The following HUS1 variants were observed in gnomAD, a reference collection of about 807,000 sequenced individuals.
The protein encoded by HUS1 is HUS1 checkpoint clamp component, also known as checkpoint protein HUS1.
A neutral mutation model predicts 32.6 loss-of-function variants in HUS1; 31 were observed. The observed-to-expected ratio is 0.95, with a 90% CI of 0.72 to 1.28. The LOEUF is 1.28. HUS1 is among the 50% of genes most tolerant of loss of function. The pLI is 0.00. For missense variants in HUS1, 340 were observed against 337.7 expected, an observed-to-expected ratio of 1.01 and a Z score of -0.05; for synonymous variants, 123 against 116.6, an observed-to-expected ratio of 1.06 and a Z score of -0.36.
At chr7:47,974,821 T>C (rs1213519186) in intron 5 of HUS1, among the ~76,000 whole-genome samples, 1 of 152,052 alleles carries the variant, frequency 6.6e-6, no homozygotes. Flanking sequence ...TTCCACAAAA[T>C]AAACAGAAAA....
chr7:47,978,031 C>T (rs553823399), intron 3 of HUS1, among the ~76,000 whole-genome samples: 10 of 152,116 alleles, frequency 6.6e-5, no homozygotes, highest in South Asian at 2.1e-4. Flanking sequence ...ATAAAACATA[C>T]GTGTACTGAA....
At position 47,965,321 on chromosome 7, in the gene HUS1, C is replaced by A. The variant is rs1199145197; in HGVS notation, c.*35G>T. The A allele has an allele frequency of 2.0e-6, 3 of 1,481,212 alleles. No homozygotes were observed. The highest frequency in any genetic ancestry group is 2.3e-5 in the South Asian group (2 of 88,614). 91.8% of individuals were successfully genotyped at this position (1,481,212 alleles called of 1,614,324 possible). A position where few individuals can be genotyped will look rare whatever the true frequency, so the allele number is the denominator to read the frequency against. On this transcript the variant is annotated 3_prime_UTR_variant, in exon 8 of 8. Transcript: ENST00000258774. ...ACACCTGCGGCCTCTCCCATCCTGA[C>A]AAAGTCTCTGCATGCCAACTCCAGC... is the stretch of plus-strand genomic sequence containing the variant.
chr7:47,963,964 A>C lies in HUS1; in HGVS notation c.*1392T>G, dbSNP rs1310200625. 6.6e-6 allele frequency: 1 copy of C among 152,202 alleles called. No individual in the cohort carries two copies. The highest frequency in any genetic ancestry group is 1.5e-5 in the Non-Finnish European group (1 of 68,024). The allele number at this position is 152,202 out of a possible 1,614,324, so 9.4% of individuals were successfully genotyped here. ...TTACTAAACATCAAAAGAATCATTC[A>C]AATACACTGGTTTTATCAAAAAACA... On this transcript the variant is annotated 3_prime_UTR_variant, in exon 8 of 8. Transcript: ENST00000258774.
intron 5 of HUS1, among the ~76,000 whole-genome samples, chr7:47,972,412 G>T (rs550105893): frequency 6.6e-6 from 1 of 152,242 alleles, no homozygotes; most frequent in Admixed American, 6.5e-5. Flanking sequence ...ATTAACACCT[G>T]GTGCCTAGCA....
chr7:47,977,149 A>G (rs1259601694), intron 3 of HUS1, among the ~76,000 whole-genome samples: 2 of 152,158 alleles, frequency 1.3e-5, no homozygotes, highest in Admixed American at 1.3e-4. Flanking sequence ...GTGAGAAAGC[A>G]CTCCACAGAG....
At chr7:47,978,911 C>T in intron 1 of HUS1, 95 bp from the exon 2 acceptor site, 2 of 1,313,156 alleles carry the variant, frequency 1.5e-6, no homozygotes, top group Non-Finnish European at 2.1e-6. Flanking sequence ...ATCAACTTCT[C>T]GGTGGAAAAA....
intron 5 of HUS1, among the ~76,000 whole-genome samples, chr7:47,972,450 G>A (rs1330514395): frequency 6.6e-6 from 1 of 152,132 alleles, no homozygotes; most frequent in African/African-American, 2.4e-5. Context: ...AATACTTACT[G>A]AAGAAACTAA....
rs998204830 is a variant in HUS1 at position 47,971,081 on chromosome 7, T to A, written c.541-1763A>T. Among the ~76,000 whole-genome samples, 29 of 152,190 alleles carry A rather than the reference T, an allele frequency of 1.9e-4. 1 individual carries two copies. The highest frequency in any genetic ancestry group is 1.4e-3 in the Admixed American group (22 of 15,282). On this transcript the variant is annotated intron_variant, in intron 5 of 7. Transcript: ENST00000258774. Reference sequence around the variant, plus strand: ...GTAATAAAATTTTATGCTCTGATGATGTAGACATAATATAACCATTACAAA... The same window carrying A: ...GTAATAAAATTTTATGCTCTGATGAAGTAGACATAATATAACCATTACAAA...
intron 5 of HUS1, among the ~76,000 whole-genome samples, chr7:47,973,115 T>C (rs1397247099): frequency 6.6e-6 from 1 of 152,226 alleles, no homozygotes; most frequent in Non-Finnish European, 1.5e-5. Flanking sequence ...CGTGCCTTGC[T>C]TCCCCTTTGC....
chr7:47,966,961 C>A (rs1391233904), intron 7 of HUS1, among the ~76,000 whole-genome samples: 1 of 152,318 alleles, frequency 6.6e-6, no homozygotes, highest in Middle Eastern at 3.4e-3. Context: ...CCCATTGCCC[C>A]TCCCATGGTC....
chr7:47,978,936 T>C lies in HUS1; in HGVS notation c.53-120A>G. ...CGGTGGAAAAATAACCACTTAACGT[T>C]GGTATCACACTGGAAAGTACTTTAA... On this transcript the variant is annotated intron_variant, in intron 1 of 7. Coordinates refer to ENST00000258774, the MANE Select transcript of HUS1 (RefSeq NM_004507.4). The C allele has an allele frequency of 1.5e-5, 15 of 1,033,274 alleles. No homozygotes were observed. In the South Asian group the frequency reaches 2.1e-4, roughly 15 times the overall value. The allele number at this position is 1,033,274 out of a possible 1,614,324, so 64.0% of individuals were successfully genotyped here.
In HUS1 at chr7:47,975,627, T is replaced by C. The variant is rs776155080; in HGVS notation, c.526A>G (p.Ile176Val). Reference protein sequence around the residue: ...MKSVVEKMKNISNHLVIEANL... With the variant: ...MKSVVEKMKNVSNHLVIEANL... ...TTGTGACTTACAAGGTGATTGCTGATGTTTTTCATTTTTTCCACAACACTC... is the reference window on the plus strand; with the variant it reads ...TTGTGACTTACAAGGTGATTGCTGACGTTTTTCATTTTTTCCACAACACTC... Residue 176 changes from isoleucine to valine, a missense_variant, in exon 5 of 8, where the codon ATC becomes GTC. Coordinates refer to ENST00000258774, the MANE Select transcript of HUS1 (RefSeq NM_004507.4). 1.2e-6 allele frequency: 2 copies of C among 1,603,130 alleles called. No individual in the cohort carries two copies. The highest frequency in any genetic ancestry group is 2.2e-5 in the South Asian group (2 of 90,684).
At position 47,976,827 on chromosome 7, in the gene HUS1, G is replaced by A; in HGVS notation, c.368C>T (p.Ser123Leu). 1 of 1,604,368 alleles carries A rather than the reference G, an allele frequency of 6.2e-7. No individual in the cohort carries two copies. Among genetic ancestry groups the A allele is most frequent in the Non-Finnish European group, 8.5e-7 (1 of 1,171,756 alleles). The change falls in exon 4 of 8, where the codon TCA becomes TTA. Residue 123 changes from serine to leucine, a missense_variant. Physicochemically the swap from Ser to Leu is moderately radical, Grantham distance 145. Coordinates refer to ENST00000258774, the MANE Select transcript of HUS1 (RefSeq NM_004507.4). ...LTVSVELLSM[S>L]SSSRIVTHDI... ...ATGGGTCACAATGCGGCTACTGCTT[G>A]ACATAGATAACTGCCAAGAAAAGAA...
chr7:47,965,548 T>C (rs1788460827), intron 7 of HUS1, 110 bp from the exon 8 acceptor site: 1 of 709,388 alleles, frequency 1.4e-6, no homozygotes, highest in African/African-American at 1.7e-5. Flanking sequence ...TAGGCATCTG[T>C]CTTCCCTGAG....
chr7:47,977,721 G>A (rs745587728), intron 3 of HUS1, among the ~76,000 whole-genome samples: 2 of 152,006 alleles, frequency 1.3e-5, no homozygotes, highest in Admixed American at 1.3e-4. Context: ...GTGATACCCC[G>A]ACTCTACTAA....
In HUS1 at chr7:47,979,606, C is replaced by G. The variant is rs1788787268; in HGVS notation, c.-87G>C. 1 of 1,077,212 alleles carries G rather than the reference C, an allele frequency of 9.3e-7. No individual in the cohort carries two copies. The highest frequency in any genetic ancestry group is 1.4e-6 in the Non-Finnish European group (1 of 703,500). The allele number at this position is 1,077,212 out of a possible 1,614,324, so 66.7% of individuals were successfully genotyped here. ...GTGTCCCCGCCCGGAAACACGGCAG[C>G]GCGAACAGTGGTTCCGCCCGGCTCG... On this transcript the variant is annotated 5_prime_UTR_variant, in exon 1 of 8. Transcript: ENST00000258774.
In HUS1 at chr7:47,965,402, A is replaced by G. The variant is rs1264418418; in HGVS notation, c.797T>C (p.Leu266Pro). 1 of 1,613,774 alleles carries G rather than the reference A, an allele frequency of 6.2e-7. No homozygotes were observed. The highest frequency in any genetic ancestry group is 1.3e-5 in the African/African-American group (1 of 75,058). Reference sequence around the variant, plus strand: ...ATACTGAAGGGACACGTCTTCATGAAGCAGATCAAAATGCACCATCTTGTT... The same window carrying G: ...ATACTGAAGGGACACGTCTTCATGAGGCAGATCAAAATGCACCATCTTGTT... ...VNNKMVHFDL[L>P]HEDVSLQYFI... Residue 266 changes from leucine to proline, a missense_variant, in exon 8 of 8, where the codon CTT becomes CCT. Physicochemically the swap from Leu to Pro is moderately conservative, Grantham distance 98. Transcript: ENST00000258774.
At chr7:47,979,390 T>A in intron 1 of HUS1, 78 bp downstream of exon 1, 1 of 1,556,156 alleles carries the variant, frequency 6.4e-7, no homozygotes, top group African/African-American at 1.4e-5. Context: ...CCCGTTCTGA[T>A]CCTCCTGCGC....
intron 3 of HUS1, among the ~76,000 whole-genome samples, chr7:47,978,020 T>C (rs182487526): frequency 6.6e-6 from 1 of 152,302 alleles, no homozygotes; most frequent in East Asian, 1.9e-4. Context: ...GGCAGTAGCA[T>C]ATAAAACATA....
Sources: allele counts gnomAD v4.1 joint callset (sites outside exome capture counted in the v4.1 genomes callset), GRCh38; gene constraint gnomAD v4.1.1; transcripts MANE v1.5; gene names NCBI Gene and HGNC (gene_info 2026-07-23, HGNC 2026-07-21).